The following CTNNA2 variants were observed in gnomAD, a reference collection of about 807,000 sequenced individuals.
CTNNA2 encodes the protein catenin alpha-2.
CTNNA2 carries 42 observed loss-of-function variants against 101.0 expected under a neutral mutation model. The ratio of observed to expected loss-of-function variants is 0.42; its 90% CI spans 0.32 to 0.54. CTNNA2 has a LOEUF of 0.54. CTNNA2 is among the 20% of genes least tolerant of loss of function. CTNNA2 has a pLI of 0.14. For missense variants in CTNNA2, 871 were observed against 1,223.1 expected (o/e 0.71, Z 4.29); for synonymous variants, 450 against 456.4 (o/e 0.99, Z 0.18).
chr2:79,365,763 G>C (rs190169209), intron 3 of CTNNA2, among the ~76,000 whole-genome samples: 1 of 151,720 alleles, frequency 6.6e-6, no homozygotes, highest in African/African-American at 2.4e-5. Context: ...CTCCTTCTTT[G>C]TGGTTCTTTC....
At chr2:79,941,403 C>G (rs1688151032) in intron 7 of CTNNA2, among the ~76,000 whole-genome samples, 1 of 152,160 alleles carries the variant, frequency 6.6e-6, no homozygotes, top group African/African-American at 2.4e-5. Flanking sequence ...AGCAACCATT[C>G]TGGTGTTCCG....
chr2:80,326,176 A>C (rs1472471788), intron 7 of CTNNA2, among the ~76,000 whole-genome samples: 1 of 152,236 alleles, frequency 6.6e-6, no homozygotes, highest in African/African-American at 2.4e-5. Flanking sequence ...AGCCCTTCTA[A>C]GAGTAGGTAG....
rs756371933 is a variant in CTNNA2, at chr2:80,065,323, A to G, written c.1056+155526A>G. Among the ~76,000 whole-genome samples, 4 of 151,506 alleles carry G rather than the reference A, an allele frequency of 2.6e-5. No individual in the cohort carries two copies. In the East Asian group the frequency reaches 5.8e-4, roughly 22 times the overall value. ...TATACCTAGTGGTAAAGGCCATTGT[A>G]TCTGCCTGTTTAGGTTCCATTCTTG... is the stretch of plus-strand genomic sequence containing the variant. On this transcript the variant is annotated intron_variant, in intron 7 of 18. Coordinates refer to ENST00000402739, the MANE Select transcript of CTNNA2 (RefSeq NM_001282597.3).
At chr2:79,681,605 T>C (rs1683567877) in intron 2 of CTNNA2, among the ~76,000 whole-genome samples, 1 of 152,230 alleles carries the variant, frequency 6.6e-6, no homozygotes, top group Non-Finnish European at 1.5e-5. Context: ...GAATGAAATA[T>C]GGAACAAGTC....
intron 1 of CTNNA2, among the ~76,000 whole-genome samples, chr2:79,569,630 A>G (rs1181064002): frequency 1.3e-5 from 2 of 152,164 alleles, no homozygotes. Context: ...ACTTGATACC[A>G]GCGCCAAAAA....
chr2:79,651,733 T>G, intron 2 of CTNNA2, 75 bp downstream of exon 2: 2 of 1,214,280 alleles, frequency 1.6e-6, no homozygotes, highest in Non-Finnish European at 2.4e-6. Flanking sequence ...TGGAAAAACT[T>G]AGACATCCTT....
chr2:80,477,374 A>G (rs1685807868), intron 9 of CTNNA2, among the ~76,000 whole-genome samples: 1 of 152,220 alleles, frequency 6.6e-6, no homozygotes, highest in Non-Finnish European at 1.5e-5. Context: ...TAAAAAAATC[A>G]ATAGATTTAT....
intron 2 of CTNNA2, among the ~76,000 whole-genome samples, chr2:79,660,268 TAC>T (rs1426842625): frequency 7.5e-6 from 1 of 133,262 alleles, no homozygotes; most frequent in South Asian, 2.2e-4. Flanking sequence ...TGTATGTATA[TAC>T]ACATATGTAT....
At chr2:80,307,787 T>C (rs1394509567) in intron 7 of CTNNA2, among the ~76,000 whole-genome samples, 2 of 152,234 alleles carry the variant, frequency 1.3e-5, no homozygotes, top group African/African-American at 2.4e-5. Context: ...GTACTAATAG[T>C]TGGGCATCAA....
intron 7 of CTNNA2, among the ~76,000 whole-genome samples, chr2:80,264,266 G>A (rs920712273): frequency 6.6e-6 from 1 of 151,974 alleles, no homozygotes; most frequent in Non-Finnish European, 1.5e-5. Flanking sequence ...AACGATATTG[G>A]AGGAGAAGGT....
At chr2:80,412,370 T>A (rs2149395990) in intron 8 of CTNNA2, among the ~76,000 whole-genome samples, 1 of 152,338 alleles carries the variant, frequency 6.6e-6, no homozygotes, top group Middle Eastern at 3.4e-3. Flanking sequence ...AAGTAAAGCA[T>A]TTGTTTAATC....
intron 4 of CTNNA2, among the ~76,000 whole-genome samples, chr2:79,470,823 G>A (rs1223001633): frequency 2.0e-5 from 3 of 152,118 alleles, no homozygotes; most frequent in Non-Finnish European, 4.4e-5. Flanking sequence ...GTGCATACAC[G>A]GAGTCATTCA....
Position 79,487,542 on chromosome 2 carries a change from C to T in CTNNA2, c.-134-17512C>T, listed in dbSNP as rs569982008. ...GCTCCATCTGAGAACCCAGATAGCA[C>T]GCTGGGAGTTGCCTACATAACTCAC... On this transcript the variant is annotated intron_variant, in intron 4 of 21. Coordinates refer to the CTNNA2 transcript ENST00000466387. Among the ~76,000 whole-genome samples the T allele has an allele frequency of 7.9e-5, 12 of 152,280 alleles. No individual in the cohort carries two copies. In the East Asian group the frequency reaches 9.7e-4, roughly 12 times the overall value.
At chr2:79,205,694 T>C (rs894411656) in intron 2 of CTNNA2, among the ~76,000 whole-genome samples, 5 of 152,170 alleles carry the variant, frequency 3.3e-5, no homozygotes, top group Non-Finnish European at 7.4e-5. Flanking sequence ...CCAACCTTCA[T>C]TGATAGTGAA....
intron 14 of CTNNA2, among the ~76,000 whole-genome samples, chr2:80,589,046 T>A (rs1215701140): frequency 6.6e-6 from 1 of 152,058 alleles, no homozygotes; most frequent in Admixed American, 6.5e-5. Flanking sequence ...GGCAGAGAAG[T>A]TCTGTTATTG....
intron 11 of CTNNA2, among the ~76,000 whole-genome samples, chr2:80,555,331 A>G (rs947652355): frequency 6.6e-5 from 10 of 152,212 alleles, no homozygotes; most frequent in African/African-American, 2.4e-4. Flanking sequence ...CTTCAAAACA[A>G]AGGAAGGGAT....
At position 80,303,288 on chromosome 2, in the gene CTNNA2, C is replaced by A; in HGVS notation, c.1057-89923C>A. 6.2e-7 allele frequency: 1 copy of A among 1,613,530 alleles called. No individual in the cohort carries two copies. ...CTGCGGCAGTCCTGGAAGATGCGCA[C>A]GGGCACAAACTGGATGGCGTTGGCC... On this transcript the variant is annotated intron_variant, in intron 7 of 18. Coordinates refer to ENST00000402739, the MANE Select transcript of CTNNA2 (RefSeq NM_001282597.3). This position sits in a 1 kb window ranked among gnomAD's most constrained non-coding sequence, Gnocchi z 7.7.
At chr2:79,856,374 G>A (rs903475475) in intron 3 of CTNNA2, among the ~76,000 whole-genome samples, 10 of 152,074 alleles carry the variant, frequency 6.6e-5, no homozygotes, top group African/African-American at 2.4e-4. Context: ...TTATGACTAG[G>A]ACTAATTACA....
At chr2:79,473,688 T>A (rs1671024489) in intron 4 of CTNNA2, among the ~76,000 whole-genome samples, 1 of 152,058 alleles carries the variant, frequency 6.6e-6, no homozygotes, top group South Asian at 2.1e-4. Context: ...AGAAAAAGTC[T>A]TTTTCAGACA....
Sources: allele counts gnomAD v4.1 joint callset (sites outside exome capture counted in the v4.1 genomes callset), GRCh38; gene constraint gnomAD v4.1.1; non-coding constraint Gnocchi (gnomAD v3.1); transcripts MANE v1.5; gene names NCBI Gene and HGNC (gene_info 2026-07-23, HGNC 2026-07-21).